Variants in CENPP observed in about 807,000 individuals in gnomAD.
CENPP encodes the protein centromere protein P.
A neutral mutation model predicts 35.6 loss-of-function variants in CENPP; 24 were observed. The ratio of observed to expected loss-of-function variants is 0.67; its 90% CI spans 0.49 to 0.95. The LOEUF (loss-of-function observed/expected upper bound fraction) is 0.95. Ranked by LOEUF, CENPP falls within the 40% of genes least tolerant of loss-of-function variation. CENPP has a pLI of 0.00. For missense variants in CENPP, 332 were observed against 345.3 expected (o/e 0.96, Z 0.31); for synonymous variants, 120 against 125.5 (o/e 0.96, Z 0.29).
intron 5 of CENPP, among the ~76,000 whole-genome samples, chr9:92,430,772 T>TTTG (rs529838846): frequency 2.1e-4 from 32 of 152,122 alleles, no homozygotes; most frequent in African/African-American, 2.6e-4. Flanking sequence ...TATGGTTTCT[T>TTTG]TTGTTGTTGT....
At chr9:92,573,626 C>T (rs1301295231) in intron 5 of CENPP, among the ~76,000 whole-genome samples, 3 of 152,224 alleles carry the variant, frequency 2.0e-5, no homozygotes, top group African/African-American at 7.2e-5. Context: ...CTCTTCAAAG[C>T]TGTCAGACAG....
intron 5 of CENPP, among the ~76,000 whole-genome samples, chr9:92,496,855 G>A (rs551360041): frequency 6.6e-6 from 1 of 151,268 alleles, no homozygotes; most frequent in Non-Finnish European, 1.5e-5. Flanking sequence ...AATCTAGGAG[G>A]AAAATGGAAA....
intron 5 of CENPP, among the ~76,000 whole-genome samples, chr9:92,492,873 T>C (rs1298409507): frequency 1.3e-5 from 2 of 152,284 alleles, no homozygotes; most frequent in East Asian, 1.9e-4. Context: ...TCACCTGCCC[T>C]GCAAGGAGGT....
At chr9:92,591,437 A>AATAC (rs1850661716) in intron 5 of CENPP, among the ~76,000 whole-genome samples, 1 of 150,358 alleles carries the variant, frequency 6.7e-6, no homozygotes, top group Admixed American at 6.7e-5. Flanking sequence ...TAAATAAATA[A>AATAC]ATAAGACCTG....
At chr9:92,521,881 A>G (rs543765201) in intron 5 of CENPP, among the ~76,000 whole-genome samples, 2 of 152,322 alleles carry the variant, frequency 1.3e-5, no homozygotes, top group Admixed American at 6.5e-5. Context: ...ATGGAAAGGT[A>G]GTTTATAAAT....
In CENPP at chr9:92,600,323, G is replaced by C. The variant is rs1046108154; in HGVS notation, c.565-10991G>C. 7 of 1,504,760 alleles carry C rather than the reference G, an allele frequency of 4.7e-6. No individual in the cohort carries two copies. The East Asian group carries it at 1.7e-4, about 37-fold the overall frequency. 93.2% of individuals were successfully genotyped at this position (1,504,760 alleles called of 1,614,324 possible). ...CCCATTATTCATGCTTGCATTTGCT[G>C]TTTGTTTATTAAAATTCCCCAGCTC... On this transcript the variant is annotated intron_variant, in intron 5 of 7. Transcript: ENST00000375587.
At chr9:92,428,192 A>G (rs1844017034) in intron 5 of CENPP, among the ~76,000 whole-genome samples, 1 of 152,120 alleles carries the variant, frequency 6.6e-6, no homozygotes, top group Non-Finnish European at 1.5e-5. Flanking sequence ...CCATACTCAC[A>G]GGCTTTCTTG....
chr9:92,366,538 C>G (rs570808521), intron 4 of CENPP, among the ~76,000 whole-genome samples: 17 of 152,306 alleles, frequency 1.1e-4, no homozygotes, highest in African/African-American at 3.8e-4. Flanking sequence ...TTACAGATCA[C>G]TCAACTGATC....
At chr9:92,489,685 T>C (rs1375704194) in intron 5 of CENPP, among the ~76,000 whole-genome samples, 1 of 152,114 alleles carries the variant, frequency 6.6e-6, no homozygotes, top group African/African-American at 2.4e-5. Flanking sequence ...CTTGGCTCCC[T>C]CAGCCTGGAG....
At chr9:92,352,750 C>T (rs1841497390) in intron 4 of CENPP, among the ~76,000 whole-genome samples, 1 of 151,356 alleles carries the variant, frequency 6.6e-6, no homozygotes. Flanking sequence ...TTTCTGCCTG[C>T]TCTATATTCA....
At chr9:92,506,246 A>T (rs112450963) in intron 5 of CENPP, among the ~76,000 whole-genome samples, 27 of 152,322 alleles carry the variant, frequency 1.8e-4, no homozygotes, top group African/African-American at 5.5e-4. Context: ...GTCAGAAGTA[A>T]ACCAGAACAG....
At chr9:92,452,577 C>G (rs1460307434) in intron 5 of CENPP, among the ~76,000 whole-genome samples, 2 of 152,306 alleles carry the variant, frequency 1.3e-5, no homozygotes, top group African/African-American at 4.8e-5. Context: ...TGTGGTGTCT[C>G]TGCCAGGCTT....
At chr9:92,422,831 C>T (rs1267956224) in intron 5 of CENPP, among the ~76,000 whole-genome samples, 1 of 152,208 alleles carries the variant, frequency 6.6e-6, no homozygotes, top group Non-Finnish European at 1.5e-5. Flanking sequence ...CAACTAATCT[C>T]TTCTGAGTCA....
chr9:92,574,007 C>CT (rs1426056083), intron 5 of CENPP, among the ~76,000 whole-genome samples: 2 of 152,166 alleles, frequency 1.3e-5, no homozygotes, highest in African/African-American at 4.8e-5. Flanking sequence ...CACAGCTTCC[C>CT]TTGGCTAGGA....
chr9:92,337,100 C>G (rs953786909), intron 2 of CENPP, among the ~76,000 whole-genome samples: 6 of 152,132 alleles, frequency 3.9e-5, no homozygotes, highest in African/African-American at 1.4e-4. Context: ...GGTGGATCAC[C>G]TGAGGTCAGG....
intron 5 of CENPP, among the ~76,000 whole-genome samples, chr9:92,519,190 G>A (rs1379094666): frequency 2.0e-5 from 3 of 152,106 alleles, no homozygotes; most frequent in African/African-American, 7.2e-5. Flanking sequence ...ACTTGCAATA[G>A]GCTAATCCCA....
intron 5 of CENPP, among the ~76,000 whole-genome samples, chr9:92,442,398 C>CAAAAAAAAAAAAAA (rs71362387): frequency 1.3e-5 from 1 of 74,484 alleles, no homozygotes; most frequent in African/African-American, 4.4e-5. Context: ...AACTCTGTCT[C>CAAAAAAAAAAAAAA]AAAAAAAAAA....
intron 4 of CENPP, among the ~76,000 whole-genome samples, chr9:92,362,193 G>A (rs1297646904): frequency 2.0e-5 from 3 of 151,968 alleles, no homozygotes; most frequent in Non-Finnish European, 2.9e-5. Flanking sequence ...GAGCAACAGA[G>A]CAAGGCTCTA....
At chr9:92,423,622 T>A (rs971284332) in intron 5 of CENPP, among the ~76,000 whole-genome samples, 4 of 152,170 alleles carry the variant, frequency 2.6e-5, no homozygotes, top group African/African-American at 9.7e-5. Context: ...ATAATACATT[T>A]AAATCGTAAT....
Sources: allele counts gnomAD v4.1 joint callset (sites outside exome capture counted in the v4.1 genomes callset), GRCh38; gene constraint gnomAD v4.1.1; transcripts MANE v1.5; gene names NCBI Gene and HGNC (gene_info 2026-07-23, HGNC 2026-07-21).